Variants in CFAP97 observed in about 807,000 individuals in gnomAD.
The protein encoded by CFAP97 is cilia and flagella associated protein 97, also known as cilia- and flagella-associated protein 97.
A neutral mutation model predicts 43.1 loss-of-function variants in CFAP97; 36 were observed. The ratio of observed to expected loss-of-function variants is 0.84; its 90% CI spans 0.64 to 1.10. The LOEUF (loss-of-function observed/expected upper bound fraction) is 1.10. Among genes scored for constraint, CFAP97 ranks in the 50% least tolerant of loss-of-function variants. The probability of loss-of-function intolerance (pLI) is 0.00; values close to 1 mark genes in which losing one functional copy is unlikely to be tolerated. For missense variants in CFAP97, 657 were observed against 620.3 expected (o/e 1.06, Z -0.63); for synonymous variants, 228 against 225.7 (o/e 1.01, Z -0.09).
chr4:185,205,058 C>T (rs1161454089), upstream of CFAP97, among the ~76,000 whole-genome samples: 3 of 152,204 alleles, frequency 2.0e-5, no homozygotes, highest in Admixed American at 2.0e-4. Flanking sequence ...CTGCCTGTCC[C>T]GGGGAGTTCC....
At chr4:185,205,001 T>C (rs1737122798), upstream of CFAP97, among the ~76,000 whole-genome samples, 1 of 152,248 alleles carries the variant, frequency 6.6e-6, no homozygotes, top group Non-Finnish European at 1.5e-5. Context: ...TTAATAAATA[T>C]TGTTCACATC....
chr4:185,193,483 A>G (rs894396660), intron 1 of CFAP97, among the ~76,000 whole-genome samples: 5 of 152,096 alleles, frequency 3.3e-5, no homozygotes, highest in Admixed American at 2.6e-4. Context: ...CATCTCTACT[A>G]GAAATACAAA....
chr4:185,203,512 C>A (rs900213046), intron 1 of CFAP97, among the ~76,000 whole-genome samples: 3 of 152,158 alleles, frequency 2.0e-5, no homozygotes, highest in Non-Finnish European at 2.9e-5. Flanking sequence ...CATCCCCTAC[C>A]GTCCCCGGAA....
chr4:185,163,102 C>T (rs1224322845), intron 4 of CFAP97, among the ~76,000 whole-genome samples, 177 bp from the exon 5 acceptor site: 1 of 152,136 alleles, frequency 6.6e-6, no homozygotes, highest in Non-Finnish European at 1.5e-5. Flanking sequence ...ATCCAGATGC[C>T]ACACCAGGGG....
intron 1 of CFAP97, among the ~76,000 whole-genome samples, chr4:185,194,307 G>A (rs1339450539): frequency 6.6e-6 from 1 of 152,190 alleles, no homozygotes; most frequent in Non-Finnish European, 1.5e-5. Context: ...CGGTCCACAT[G>A]GCGAAACTCC....
chr4:185,173,606 G>T (rs184945045), intron 3 of CFAP97, among the ~76,000 whole-genome samples: 25 of 152,206 alleles, frequency 1.6e-4, no homozygotes, highest in Non-Finnish European at 1.0e-4. Flanking sequence ...GATGAAACAT[G>T]AAAACATTTT....
rs1191919782 is a variant in CFAP97, at chr4:185,185,759, C to T, written c.1054+4384G>A. Among the ~76,000 whole-genome samples the T allele has an allele frequency of 4.0e-5, 6 of 151,314 alleles. No homozygotes were observed. The East Asian group carries it at 1.2e-3, about 30-fold the overall frequency. ...TCAAGAGATCCTCCTATCTCAACCT[C>T]CCCCCGCAGCTGGGACTACAGTAGC... is the stretch of plus-strand genomic sequence containing the variant. On this transcript the variant is annotated intron_variant, in intron 2 of 4. Coordinates refer to ENST00000458385, the MANE Select transcript of CFAP97 (RefSeq NM_020827.3).
chr4:185,187,947 A>G (rs1736074565), intron 2 of CFAP97, among the ~76,000 whole-genome samples: 3 of 152,070 alleles, frequency 2.0e-5, no homozygotes, highest in Non-Finnish European at 2.9e-5. Flanking sequence ...GCCAGGCTGG[A>G]GTGCAGTGGC....
At chr4:185,171,214 A>G (rs1735290448) in intron 3 of CFAP97, among the ~76,000 whole-genome samples, 1 of 151,986 alleles carries the variant, frequency 6.6e-6, no homozygotes, top group African/African-American at 2.4e-5. Context: ...AAAATTTGCT[A>G]ATGAGCTAGG....
At chr4:185,184,375 A>C (rs1402541715) in intron 2 of CFAP97, among the ~76,000 whole-genome samples, 1 of 152,124 alleles carries the variant, frequency 6.6e-6, no homozygotes, top group Non-Finnish European at 1.5e-5. Flanking sequence ...CATTTCCCCT[A>C]CCAACGACTG....
intron 2 of CFAP97, among the ~76,000 whole-genome samples, chr4:185,180,500 C>T (rs1042885717): frequency 1.3e-5 from 2 of 152,170 alleles, no homozygotes; most frequent in Non-Finnish European, 1.5e-5. Flanking sequence ...TATAATCATA[C>T]AGCACTTATT....
upstream of CFAP97, chr4:185,210,165 C>T (rs891291688): frequency 5.1e-6 from 5 of 984,282 alleles, no homozygotes; most frequent in South Asian, 4.7e-5. The surrounding 1 kb of genome is among the most constrained non-coding windows in gnomAD (Gnocchi z 4.4). Context: ...TGTTTGCCCT[C>T]GTCTGCCGGA....
At chr4:185,204,688 A>G (rs3108244), upstream of CFAP97, among the ~76,000 whole-genome samples, 89,952 of 152,040 alleles carry the variant, frequency 0.59, 27,018 homozygotes, top group Non-Finnish European at 0.66. Context: ...TTATCCAGTG[A>G]ACCCCATGGA....
intron 2 of CFAP97, among the ~76,000 whole-genome samples, chr4:185,188,352 T>A (rs1212193257): frequency 2.6e-5 from 4 of 151,158 alleles, no homozygotes; most frequent in Non-Finnish European, 5.9e-5. Context: ...TATACATTTT[T>A]TTTTTTTGAG....
chr4:185,207,013 G>A (rs1737215925), upstream of CFAP97, among the ~76,000 whole-genome samples: 1 of 152,082 alleles, frequency 6.6e-6, no homozygotes, highest in Non-Finnish European at 1.5e-5. Flanking sequence ...CCAGCTTCAG[G>A]GCACAGAGGA....
intron 4 of CFAP97, among the ~76,000 whole-genome samples, 191 bp from the exon 5 acceptor site, chr4:185,163,116 T>C (rs1734931149): frequency 6.6e-6 from 1 of 152,218 alleles, no homozygotes; most frequent in African/African-American, 2.4e-5. Context: ...CCAGGGGATT[T>C]TGATTCACTG....
chr4:185,170,772 G>A (rs1366467493), intron 3 of CFAP97, among the ~76,000 whole-genome samples: 2 of 150,618 alleles, frequency 1.3e-5, no homozygotes. Context: ...ATCACCTGAG[G>A]TCAGGAGTTT....
chr4:185,166,206 G>A (rs893031589), intron 3 of CFAP97, among the ~76,000 whole-genome samples: 1 of 152,136 alleles, frequency 6.6e-6, no homozygotes, highest in African/African-American at 2.4e-5. Context: ...TAAAGTCCAC[G>A]GTCTTCCCAT....
At chr4:185,189,051 G>A (rs549885786) in intron 2 of CFAP97, among the ~76,000 whole-genome samples, 2 of 152,180 alleles carry the variant, frequency 1.3e-5, no homozygotes, top group African/African-American at 4.8e-5. Context: ...AGCCCGCGCA[G>A]CATAGTGAAA....
Sources: gnomAD v4.1 joint callset for allele counts (sites outside exome capture counted in the v4.1 genomes callset) on GRCh38, gnomAD v4.1.1 for gene constraint, Gnocchi (gnomAD v3.1) non-coding constraint, MANE v1.5 for transcripts, NCBI Gene and HGNC (gene_info 2026-07-23, HGNC 2026-07-21) for gene names.